The following TRPC3 variants were observed in gnomAD, a reference collection of about 807,000 sequenced individuals.
TRPC3 encodes transient receptor potential cation channel subfamily C member 3.
A neutral mutation model predicts 90.9 loss-of-function variants in TRPC3; 54 were observed. The ratio of observed to expected loss-of-function variants is 0.59; its 90% CI spans 0.48 to 0.75. The LOEUF (loss-of-function observed/expected upper bound fraction) is 0.75. TRPC3 is among the 30% of genes least tolerant of loss of function. The pLI, the probability that TRPC3 is intolerant of heterozygous loss-of-function variation, is 0.00. For synonymous variants in TRPC3, 424 were observed against 450.9 expected, an observed-to-expected ratio of 0.94 and a Z score of 0.75; for missense variants, 918 against 1,194.5, an observed-to-expected ratio of 0.77 and a Z score of 3.41.
intron 1 of TRPC3, among the ~76,000 whole-genome samples, chr4:121,946,741 T>C (rs1394844937): frequency 3.3e-5 from 5 of 152,242 alleles, no homozygotes; most frequent in Admixed American, 2.0e-4. Context: ...CTTGCTGTTG[T>C]TCGTAGACGT....
chr4:121,939,006 C>T (rs914315986), intron 1 of TRPC3, among the ~76,000 whole-genome samples: 11 of 152,180 alleles, frequency 7.2e-5, no homozygotes, highest in African/African-American at 2.7e-4. Context: ...CTTCACTATC[C>T]TGTAAACATA....
intron 1 of TRPC3, among the ~76,000 whole-genome samples, chr4:121,937,503 G>A (rs1243278279): frequency 6.6e-6 from 1 of 152,246 alleles, no homozygotes; most frequent in African/African-American, 2.4e-5. Flanking sequence ...AGCACAGCAA[G>A]TAGGCAGCCT....
In TRPC3 at chr4:121,951,609, G is replaced by A; in HGVS notation, c.72C>T (p.Asp24=). 1 of 1,444,684 alleles carries A rather than the reference G, an allele frequency of 6.9e-7. No homozygotes were observed. The highest frequency in any genetic ancestry group is 9.2e-7 in the Non-Finnish European group (1 of 1,091,964). The allele number at this position is 1,444,684 out of a possible 1,614,324, so 89.5% of individuals were successfully genotyped here. The change falls in exon 1 of 12, where the codon GAC becomes GAT. Residue 24 remains aspartate (D), a synonymous_variant. Transcript: ENST00000379645. This position sits in a 1 kb window ranked among gnomAD's most constrained non-coding sequence, Gnocchi z 4.4. ...VTFPAPEEEE[D]EGEDEGAEPQ... ...GCTCCGCGCCCTCGTCCTCGCCCTC[G>A]TCTTCCTCCTCCTCCGGCGCCGGGA...
chr4:121,924,442 C>T lies in TRPC3; in HGVS notation c.1176+576G>A, dbSNP rs1729630292. Among the ~76,000 whole-genome samples the T allele has an allele frequency of 2.6e-5, 4 of 152,324 alleles. No individual in the cohort carries two copies. In the South Asian group the frequency reaches 8.3e-4, roughly 32 times the overall value. On this transcript the variant is annotated intron_variant, in intron 3 of 11. Coordinates refer to ENST00000379645, the MANE Select transcript of TRPC3 (RefSeq NM_001130698.2). ...TAAAAATTTATGACTTATTCAAGGTCCCACCATGGGTAAAAAGTAGAAAGG... is the reference window on the plus strand; with the variant it reads ...TAAAAATTTATGACTTATTCAAGGTTCCACCATGGGTAAAAAGTAGAAAGG...
intron 3 of TRPC3, among the ~76,000 whole-genome samples, chr4:121,920,802 G>A (rs1324075001): frequency 3.3e-5 from 5 of 152,118 alleles, no homozygotes; most frequent in Non-Finnish European, 7.4e-5. Flanking sequence ...ACAGGGCCCT[G>A]GATGTTTTCC....
intron 3 of TRPC3, among the ~76,000 whole-genome samples, chr4:121,922,135 G>A (rs1426400376): frequency 6.6e-6 from 1 of 151,894 alleles, no homozygotes; most frequent in East Asian, 1.9e-4. Flanking sequence ...TGTTAGCCAG[G>A]ATGGTCTCGA....
intron 1 of TRPC3, chr4:121,933,296 T>G (rs918678154): frequency 1.8e-6 from 1 of 557,126 alleles, no homozygotes; most frequent in African/African-American, 1.9e-5. Context: ...AAAATGATAT[T>G]CAGATGGAAT....
chr4:121,919,268 C>T (rs1439979132), intron 3 of TRPC3, among the ~76,000 whole-genome samples: 6 of 152,194 alleles, frequency 3.9e-5, no homozygotes, highest in Non-Finnish European at 7.4e-5. Flanking sequence ...TCAAATCAGC[C>T]TTCACAAGAA....
chr4:121,890,671 A>G (rs1728292510), intron 10 of TRPC3, among the ~76,000 whole-genome samples: 1 of 152,206 alleles, frequency 6.6e-6, no homozygotes, highest in Non-Finnish European at 1.5e-5. Context: ...TTCAAAAATT[A>G]AAAGAAGACT....
chr4:121,938,367 C>T (rs558294440), intron 1 of TRPC3, among the ~76,000 whole-genome samples: 2 of 152,266 alleles, frequency 1.3e-5, no homozygotes, highest in East Asian at 3.9e-4. Flanking sequence ...ATCTATGACT[C>T]ACTGTTTTGA....
chr4:121,928,578 C>G (rs1213746339), intron 2 of TRPC3, among the ~76,000 whole-genome samples: 1 of 152,196 alleles, frequency 6.6e-6, no homozygotes, highest in East Asian at 1.9e-4. Flanking sequence ...TTTGTCTGGT[C>G]TACATTTTCT....
Position 121,925,077 on chromosome 4 carries a change from G to A in TRPC3, c.1117C>T (p.His373Tyr). ...CGACTTAATGAAGCTTTGTGCCTGT[G>A]TACCTCCAGAGGCTCTGCTGATTCC... is the stretch of plus-strand genomic sequence containing the variant. Reference protein sequence around the residue: ...DLESAEPLEVHRHKASLSRVK... With the variant: ...DLESAEPLEVYRHKASLSRVK... The change falls in exon 3 of 12, where the codon CAC (histidine) becomes TAC (tyrosine). Residue 373 changes from histidine to tyrosine, a missense_variant. His to Tyr is a moderately conservative substitution (Grantham distance 83, BLOSUM62 2). Around this residue, in one of 4 missense-constraint regions of TRPC3, gnomAD observed 609 missense variants for 725.9 expected, o/e 0.84. Transcript: ENST00000379645. 3.1e-6 allele frequency: 5 copies of A among 1,613,940 alleles called. No individual in the cohort carries two copies. The highest frequency in any genetic ancestry group is 4.2e-6 in the Non-Finnish European group (5 of 1,179,966).
chr4:121,906,389 T>C (rs974837967), intron 7 of TRPC3, among the ~76,000 whole-genome samples: 12 of 152,158 alleles, frequency 7.9e-5, no homozygotes, highest in South Asian at 2.1e-4. Context: ...AGGGATCACA[T>C]TGTGTACAAG....
intron 3 of TRPC3, among the ~76,000 whole-genome samples, chr4:121,920,391 A>G (rs575464723): frequency 3.9e-5 from 6 of 152,122 alleles, no homozygotes; most frequent in African/African-American, 1.4e-4. Context: ...GGCATGGATG[A>G]TGGGTGCCTG....
intron 10 of TRPC3, among the ~76,000 whole-genome samples, chr4:121,896,070 A>G (rs2149112701): frequency 6.6e-6 from 1 of 152,290 alleles, no homozygotes; most frequent in African/African-American, 2.4e-5. Flanking sequence ...AAGGATAAAA[A>G]CTGTATGATT....
At position 121,904,429 on chromosome 4, in the gene TRPC3, T is replaced by C; in HGVS notation, c.2146A>G (p.Ile716Val). ...SVVLKYDHKF[I>V]ENIGYVLYGI... ...TAAAGAACGTATCCAATATTTTCTATGAATTTGTGATCATATTTGAGCACA... is the reference window on the plus strand; with the variant it reads ...TAAAGAACGTATCCAATATTTTCTACGAATTTGTGATCATATTTGAGCACA... The change falls in exon 8 of 12, where the codon ATA becomes GTA. Residue 716 changes from isoleucine to valine, a missense_variant. Around this residue, in one of 4 missense-constraint regions of TRPC3, gnomAD observed 147 missense variants for 263.5 expected, o/e 0.56. Coordinates refer to ENST00000379645, the MANE Select transcript of TRPC3 (RefSeq NM_001130698.2). The C allele has an allele frequency of 1.2e-6, 2 of 1,607,046 alleles. No individual in the cohort carries two copies. The highest frequency in any genetic ancestry group is 1.7e-4 in the Middle Eastern group (1 of 6,042).
intron 1 of TRPC3, among the ~76,000 whole-genome samples, chr4:121,949,362 A>AAGT (rs1008417984): frequency 5.9e-5 from 9 of 152,192 alleles, no homozygotes; most frequent in African/African-American, 2.2e-4. Context: ...CCAGCAACAG[A>AAGT]AGTACCCCGA....
chr4:121,884,130 G>C (rs140754523), intron 10 of TRPC3, among the ~76,000 whole-genome samples: 2,262 of 152,264 alleles, frequency 0.015, 28 homozygotes, highest in Non-Finnish European at 0.026. Context: ...CAACAGTGTG[G>C]ATGAATCTTA....
At chr4:121,898,746 T>A (rs1469389694) in intron 10 of TRPC3, among the ~76,000 whole-genome samples, 1 of 152,216 alleles carries the variant, frequency 6.6e-6, no homozygotes, top group Non-Finnish European at 1.5e-5. Context: ...ATCTGATTCC[T>A]ACATATGTAT....
Sources: allele counts gnomAD v4.1 joint callset (sites outside exome capture counted in the v4.1 genomes callset), GRCh38; gene constraint gnomAD v4.1.1; regional missense constraint gnomAD v4.1.1; non-coding constraint Gnocchi (gnomAD v3.1); transcripts MANE v1.5; gene names NCBI Gene and HGNC (gene_info 2026-07-23, HGNC 2026-07-21).